The following XPO4 variants were observed in gnomAD, a reference collection of about 807,000 sequenced individuals.
The protein encoded by XPO4 is exportin 4.
XPO4 carries 39 observed loss-of-function variants against 143.0 expected under a neutral mutation model. The observed-to-expected ratio is 0.27, with a 90% confidence interval of 0.21 to 0.36. The LOEUF is 0.36. Among genes scored for constraint, XPO4 ranks in the 10% least tolerant of loss-of-function variants. XPO4 has a pLI of 1.00. For missense variants in XPO4, 907 were observed against 1,348.0 expected (o/e 0.67, Z 5.12); for synonymous variants, 439 against 474.0 (o/e 0.93, Z 0.96).
intron 7 of XPO4, among the ~76,000 whole-genome samples, chr13:20,825,908 T>C (rs1030101443): frequency 1.3e-5 from 2 of 152,190 alleles, no homozygotes; most frequent in Non-Finnish European, 2.9e-5. Flanking sequence ...AACCTTGTTC[T>C]AGATATTTTA....
chr13:20,802,938 T>A (rs1317384732), intron 13 of XPO4, among the ~76,000 whole-genome samples: 1 of 152,226 alleles, frequency 6.6e-6, no homozygotes, highest in Non-Finnish European at 1.5e-5. Flanking sequence ...CATAAAATTG[T>A]ATGCATCTCT....
intron 9 of XPO4, 97 bp downstream of exon 9, chr13:20,821,607 C>T (rs1281424817): frequency 4.6e-6 from 6 of 1,318,678 alleles, no homozygotes; most frequent in Non-Finnish European, 5.1e-6. Context: ...ATAGCCAGCA[C>T]TCACTTAAAA....
At chr13:20,811,374 G>T (rs556439027) in intron 9 of XPO4, among the ~76,000 whole-genome samples, 5 of 149,568 alleles carry the variant, frequency 3.3e-5, no homozygotes, top group South Asian at 2.1e-4. Context: ...TACAGCGTCC[G>T]CTTCCTGGGT....
chr13:20,795,961 C>T (rs2059352906), intron 18 of XPO4, 115 bp downstream of exon 18: 3 of 1,163,172 alleles, frequency 2.6e-6, no homozygotes, highest in Admixed American at 2.5e-5. Context: ...GATCTTCTTT[C>T]ATTTATTCCA....
Position 20,834,560 on chromosome 13 carries a change from G to A in XPO4, c.728-7381C>T, listed in dbSNP as rs1203755511. Among the ~76,000 whole-genome samples, 11 of 150,902 alleles carry A rather than the reference G, an allele frequency of 7.3e-5. No individual in the cohort carries two copies. The East Asian group carries it at 9.7e-4, about 13-fold the overall frequency. The stretch of plus-strand genomic sequence containing the variant: ...TGCACTCCAGCCTGGGCAACAGGGC[G>A]AGACCCAGTCTCAAAAAAAAAATGT... On this transcript the variant is annotated intron_variant, in intron 6 of 22. Coordinates refer to ENST00000255305, the MANE Select transcript of XPO4 (RefSeq NM_022459.5).
At chr13:20,865,681 G>T in intron 2 of XPO4, 9 of 817,742 alleles carry the variant, frequency 1.1e-5, no homozygotes, top group South Asian at 1.1e-4. Flanking sequence ...TGACCAAAAA[G>T]TTTTTTTAAA....
intron 13 of XPO4, among the ~76,000 whole-genome samples, chr13:20,804,088 AAGCCC>A (rs1269084079): frequency 1.3e-5 from 2 of 151,768 alleles, no homozygotes; most frequent in Non-Finnish European, 2.9e-5. Context: ...CCTTGTAGCA[AAGCCC>A]ATCTCCCCAT....
At chr13:20,816,236 G>A (rs963599454) in intron 9 of XPO4, among the ~76,000 whole-genome samples, 3 of 152,138 alleles carry the variant, frequency 2.0e-5, no homozygotes, top group Non-Finnish European at 4.4e-5. Flanking sequence ...AAGACTGAAA[G>A]AGCTATACTA....
At chr13:20,877,136 T>C (rs771847731) in intron 1 of XPO4, among the ~76,000 whole-genome samples, 5 of 152,198 alleles carry the variant, frequency 3.3e-5, no homozygotes, top group East Asian at 1.9e-4. Flanking sequence ...TCCAGCTGGC[T>C]TCCCCTCTCA....
At chr13:20,792,682 T>C (rs565356741) in intron 18 of XPO4, among the ~76,000 whole-genome samples, 6 of 142,516 alleles carry the variant, frequency 4.2e-5, no homozygotes, top group Non-Finnish European at 4.5e-5. Context: ...GGTCGCGCCA[T>C]TGCACTCCAG....
At chr13:20,865,428 C>A in intron 2 of XPO4, 1 of 984,008 alleles carries the variant, frequency 1.0e-6, no homozygotes, top group Non-Finnish European at 1.2e-6. Flanking sequence ...TGAGCCACCA[C>A]ACCCAGCCTC....
In XPO4 at chr13:20,804,869, A is replaced by C. The variant is rs540284556; in HGVS notation, c.1817+2588T>G. ...TCCACTATAGGTCTGAGCCACCATC[A>C]TCTTTCTCTTGGATTACTACAATTT... On this transcript the variant is annotated intron_variant, in intron 13 of 22. Coordinates refer to ENST00000255305, the MANE Select transcript of XPO4 (RefSeq NM_022459.5). Among the ~76,000 whole-genome samples the C allele has an allele frequency of 3.3e-5, 5 of 152,124 alleles. No individual in the cohort carries two copies. The East Asian group carries it at 9.6e-4, about 29-fold the overall frequency.
At chr13:20,890,373 C>T (rs1240955244) in intron 1 of XPO4, among the ~76,000 whole-genome samples, 1 of 151,676 alleles carries the variant, frequency 6.6e-6, no homozygotes, top group Non-Finnish European at 1.5e-5. Context: ...TTGCTTGAGC[C>T]CAGGAGGTGG....
At chr13:20,851,859 C>G in intron 4 of XPO4, 3 of 985,362 alleles carry the variant, frequency 3.0e-6, no homozygotes, top group Non-Finnish European at 3.6e-6. Flanking sequence ...TCTTCTCTAA[C>G]TGAACAGCTA....
chr13:20,822,346 T>G, intron 7 of XPO4, 57 bp from the exon 8 acceptor site: 1 of 1,482,204 alleles, frequency 6.7e-7, no homozygotes, highest in Non-Finnish European at 9.1e-7. Flanking sequence ...AAGGGTCACG[T>G]GTCTACCATG....
rs2059775541 is a variant in XPO4, at chr13:20,825,658, T to A, written c.840+1409A>T. ...TTCACCTTTTCAAAAACTGCTGGAG[T>A]GGAATCTACTTTCAGTCAAGTGCAT... is the stretch of plus-strand genomic sequence containing the variant. On this transcript the variant is annotated intron_variant, in intron 7 of 22. Coordinates refer to ENST00000255305, the MANE Select transcript of XPO4 (RefSeq NM_022459.5). Among the ~76,000 whole-genome samples the A allele has an allele frequency of 1.3e-5, 2 of 152,148 alleles. 1 individual carries two copies. The highest frequency in any genetic ancestry group is 4.8e-5 in the African/African-American group (2 of 41,436).
intron 4 of XPO4, chr13:20,848,553 C>CA (rs1010294739): frequency 3.8e-5 from 37 of 985,086 alleles, no homozygotes; most frequent in Non-Finnish European, 4.2e-5. Flanking sequence ...TAGAAAATGA[C>CA]AACCACCTAT....
chr13:20,842,989 C>T lies in XPO4; in HGVS notation c.633G>A (p.Arg211=). ...ACATCTGAGCATTGAGGTTTTCCCG[C>T]CTGCTGAACTCCTGCAGAACTTCAA... is the stretch of plus-strand genomic sequence containing the variant. ...LTVEVLQEFS[R]RENLNAQMSS... The change falls in exon 6 of 23, where the codon AGG becomes AGA. Residue 211 remains arginine, a synonymous_variant. Transcript: ENST00000255305. 1 of 1,613,330 alleles carries T rather than the reference C, an allele frequency of 6.2e-7. No homozygotes were observed.
chr13:20,851,749 A>AAGAAAGAC (rs2060092241), intron 4 of XPO4: 1 of 979,098 alleles, frequency 1.0e-6, no homozygotes. Flanking sequence ...GAAAGAAAGA[A>AAGAAAGAC]AGACAGAAAT....
Sources: allele counts gnomAD v4.1 joint callset (sites outside exome capture counted in the v4.1 genomes callset), GRCh38; gene constraint gnomAD v4.1.1; transcripts MANE v1.5; gene names NCBI Gene and HGNC (gene_info 2026-07-23, HGNC 2026-07-21).